CPEB2: variants seen among roughly 807,000 people sequenced by gnomAD.
The protein encoded by CPEB2 is cytoplasmic polyadenylation element-binding protein 2.
A neutral mutation model predicts 93.6 loss-of-function variants in CPEB2; 56 were observed. The ratio of observed to expected loss-of-function variants is 0.60; its 90% CI spans 0.48 to 0.75. The LOEUF (loss-of-function observed/expected upper bound fraction) is 0.75. CPEB2 is among the 30% of genes least tolerant of loss of function. CPEB2 has a pLI of 0.00. For missense variants in CPEB2, 1,579 were observed against 1,395.1 expected, an observed-to-expected ratio of 1.13 and a Z score of -2.10; for synonymous variants, 764 against 586.3, an observed-to-expected ratio of 1.30 and a Z score of -4.38.
In CPEB2 at chr4:15,033,149, G is replaced by C; in HGVS notation, c.2126-12G>C. The stretch of plus-strand genomic sequence containing the variant: ...CATAATCTTCAAACTCACCTTTCCT[G>C]TCTTTTTAAAGGTCGATTGAGCTAT... On this transcript the variant is annotated splice_polypyrimidine_tract_variant and intron_variant, in intron 4 of 11. Coordinates refer to ENST00000538197, the MANE Select transcript of CPEB2 (RefSeq NM_001177382.2). The C allele has an allele frequency of 5.0e-6, 8 of 1,592,062 alleles. No homozygotes were observed. The highest frequency in any genetic ancestry group is 6.9e-6 in the Non-Finnish European group (8 of 1,164,276).
At chr4:15,025,519 A>C (rs184534677) in intron 4 of CPEB2, among the ~76,000 whole-genome samples, 113 of 152,138 alleles carry the variant, frequency 7.4e-4, no homozygotes, top group African/African-American at 2.4e-3. Flanking sequence ...TAAGTCAATC[A>C]GGTGAGACCC....
rs1729238179 is a variant in CPEB2, at chr4:15,062,046, CACATTTGATGTAA to C, written c.2696-30_2696-18del. 1 of 1,535,500 alleles carries C rather than the reference CACATTTGATGTAA, an allele frequency of 6.5e-7. No individual in the cohort carries two copies. The highest frequency in any genetic ancestry group is 1.9e-5 in the Admixed American group (1 of 53,724). Reference sequence around the variant, plus strand: ...AAAATTGTTGATTACTGTGTTCTCTCACATTTGATGTAAACTTCTTTTCCTTTTCAAGTGGAAC... The same window carrying C: ...AAAATTGTTGATTACTGTGTTCTCTCACTTCTTTTCCTTTTCAAGTGGAAC... On this transcript the variant is annotated intron_variant, in intron 10 of 11. Transcript: ENST00000538197.
intron 1 of CPEB2, chr4:15,004,940 T>C (rs1178314302): frequency 6.6e-6 from 1 of 152,110 alleles, no homozygotes. Context: ...TTTTTTTCTT[T>C]GGAGTTTGTT....
intron 4 of CPEB2, among the ~76,000 whole-genome samples, chr4:15,021,588 T>A (rs1448620263): frequency 1.3e-5 from 2 of 152,146 alleles, no homozygotes; most frequent in Non-Finnish European, 2.9e-5. Context: ...TACTTAATTG[T>A]AGCTCATAAA....
rs956788042 is a variant in CPEB2 at position 15,003,456 on chromosome 4, C to T, written c.783C>T (p.Leu261=). The change falls in exon 1 of 12, where the codon CTC becomes CTT. Residue 261 remains leucine, a synonymous_variant. Coordinates refer to ENST00000538197, the MANE Select transcript of CPEB2 (RefSeq NM_001177382.2). ...AGCGTCCGGCAGACCTGCCCCCGCT[C>T]CCGCAGCTCCCTCCCTCGCCGCCTG... The part of the protein sequence containing the change: ...PRQRPADLPP[L]PQLPPSPPAA... 8.0e-6 allele frequency: 11 copies of T among 1,367,684 alleles called. No individual in the cohort carries two copies. The highest frequency in any genetic ancestry group is 4.5e-4 in the Middle Eastern group (2 of 4,472). The allele number at this position is 1,367,684 out of a possible 1,614,324, so 84.7% of individuals were successfully genotyped here.
chr4:15,007,372 G>T lies in CPEB2; in HGVS notation c.1730G>T (p.Trp577Leu), dbSNP rs766246540. The T allele has an allele frequency of 1.1e-5, 17 of 1,611,172 alleles. No individual in the cohort carries two copies. In the Admixed American group the frequency reaches 2.0e-4, roughly 19 times the overall value. ...SSGWGTGSMS[W>L]GAMHGRDHRR... ...GGCTGGGGCACTGGAAGTATGTCCT[G>T]GGGAGCAATGCATGGCAGAGATCAT... Residue 577 changes from tryptophan to leucine, a missense_variant, in exon 2 of 12, where the codon TGG becomes TTG. Trp to Leu is a moderately conservative substitution (Grantham distance 61). Transcript: ENST00000538197.
At chr4:15,062,308 A>AT in intron 11 of CPEB2, 48 bp downstream of exon 11, 1 of 1,420,412 alleles carries the variant, frequency 7.0e-7, no homozygotes, top group Non-Finnish European at 9.6e-7. Flanking sequence ...TAAGGTGCTG[A>AT]TCCAAAGCCT....
At chr4:15,046,425 G>A (rs1419573949) in intron 6 of CPEB2, among the ~76,000 whole-genome samples, 1 of 152,030 alleles carries the variant, frequency 6.6e-6, no homozygotes, top group Non-Finnish European at 1.5e-5. Context: ...GGGGTTTCAC[G>A]ATGTTGGCCA....
At chr4:15,024,398 G>A (rs113206443) in intron 4 of CPEB2, among the ~76,000 whole-genome samples, 2,710 of 152,102 alleles carry the variant, frequency 0.018, 77 homozygotes, top group African/African-American at 0.062. Flanking sequence ...AGTCACTATG[G>A]AATTATATAT....
chr4:15,024,385 A>G (rs1166459617), intron 4 of CPEB2, among the ~76,000 whole-genome samples: 2 of 152,158 alleles, frequency 1.3e-5, no homozygotes, highest in African/African-American at 2.4e-5. Context: ...ATATAATATG[A>G]TAAGTCACTA....
Position 15,066,763 on chromosome 4 carries a change from C to T in CPEB2, c.*383C>T, listed in dbSNP as rs1729732463. 5.8e-6 allele frequency: 1 copy of T among 171,128 alleles called. No individual in the cohort carries two copies. The highest frequency in any genetic ancestry group is 1.2e-5 in the Non-Finnish European group (1 of 80,210). The allele number at this position is 171,128 out of a possible 1,614,324, so 10.6% of individuals were successfully genotyped here. On this transcript the variant is annotated 3_prime_UTR_variant, in exon 12 of 12. Coordinates refer to ENST00000538197, the MANE Select transcript of CPEB2 (RefSeq NM_001177382.2). The stretch of plus-strand genomic sequence containing the variant: ...GGGTTTTTAACTTCAAGATCTGCCC[C>T]AGTAATTTACCAAAGGTAGCAAAAT...
intron 6 of CPEB2, among the ~76,000 whole-genome samples, chr4:15,043,753 A>G (rs1263457968): frequency 6.6e-6 from 1 of 152,118 alleles, no homozygotes; most frequent in African/African-American, 2.4e-5. Context: ...AATGGTTCTA[A>G]GACCCGGAAG....
intron 1 of CPEB2, 100 bp from the exon 2 acceptor site, chr4:15,007,205 T>A: frequency 2.0e-6 from 2 of 997,678 alleles, no homozygotes; most frequent in East Asian, 2.8e-5. Context: ...TTTGCCTTTA[T>A]ATATTTCATT....
At chr4:15,032,083 A>C (rs1726173678) in intron 4 of CPEB2, among the ~76,000 whole-genome samples, 1 of 152,190 alleles carries the variant, frequency 6.6e-6, no homozygotes, top group Non-Finnish European at 1.5e-5. Context: ...ACATTTTTCA[A>C]ATCAGTTAAA....
At position 15,052,871 on chromosome 4, in the gene CPEB2, T is replaced by C. The variant is rs534173962; in HGVS notation, c.2371+287T>C. Among the ~76,000 whole-genome samples, 3 of 152,162 alleles carry C rather than the reference T, an allele frequency of 2.0e-5. No individual in the cohort carries two copies. In the East Asian group the frequency reaches 5.8e-4, roughly 29 times the overall value. ...TCATATTCTACTTGTTTTTAAAATATAGAATATATTTAGGTATATAAAACT... is the reference window on the plus strand; with the variant it reads ...TCATATTCTACTTGTTTTTAAAATACAGAATATATTTAGGTATATAAAACT... On this transcript the variant is annotated intron_variant, in intron 7 of 11. Transcript: ENST00000538197.
chr4:15,002,593 C>T lies in CPEB2; in HGVS notation c.-81C>T. Reference sequence around the variant, plus strand: ...CTGACTCCCCCTCCTTCCACCACGGCCGCGCAACCCCAGCGCCGGCGGCTT... The same window carrying T: ...CTGACTCCCCCTCCTTCCACCACGGTCGCGCAACCCCAGCGCCGGCGGCTT... On this transcript the variant is annotated 5_prime_UTR_variant, in exon 1 of 12. Transcript: ENST00000538197. 5 of 1,221,546 alleles carry T rather than the reference C, an allele frequency of 4.1e-6. No individual in the cohort carries two copies. Among genetic ancestry groups the T allele is most frequent in the Non-Finnish European group, 5.5e-6 (5 of 910,066 alleles). 75.7% of individuals were successfully genotyped at this position (1,221,546 alleles called of 1,614,324 possible). A position where few individuals can be genotyped will look rare whatever the true frequency, so the allele number is the denominator to read the frequency against.
intron 2 of CPEB2, 46 bp from the exon 3 acceptor site, chr4:15,008,292 G>A: frequency 7.4e-7 from 1 of 1,357,718 alleles, no homozygotes; most frequent in Non-Finnish European, 1.1e-6. Flanking sequence ...GTGGGTATGG[G>A]GAAGACAACT....
chr4:15,039,799 T>C (rs946505469), intron 5 of CPEB2, among the ~76,000 whole-genome samples: 2 of 152,152 alleles, frequency 1.3e-5, no homozygotes, highest in South Asian at 4.1e-4. Flanking sequence ...TCTTACCTCA[T>C]AGGTAGACAC....
intron 11 of CPEB2, among the ~76,000 whole-genome samples, chr4:15,062,637 G>C (rs1729306670): frequency 1.3e-5 from 2 of 151,928 alleles, no homozygotes; most frequent in Admixed American, 6.6e-5. Context: ...TTGTAAAATA[G>C]AAAACAATGA....
Sources: allele counts gnomAD v4.1 joint callset (sites outside exome capture counted in the v4.1 genomes callset), GRCh38; gene constraint gnomAD v4.1.1; transcripts MANE v1.5; gene names NCBI Gene and HGNC (gene_info 2026-07-23, HGNC 2026-07-21).